GALNT17: variants seen among roughly 807,000 people sequenced by gnomAD.
The protein encoded by GALNT17 is UDP-GalNAc:polypeptide N-acetylgalactosaminyltransferase-like 3.
A neutral mutation model predicts 63.7 loss-of-function variants in GALNT17; 29 were observed. The observed-to-expected ratio is 0.46, with a 90% CI of 0.34 to 0.62. The LOEUF is 0.62. Among genes scored for constraint, GALNT17 ranks in the 20% least tolerant of loss-of-function variants. The pLI is 0.01. For synonymous variants in GALNT17, 305 were observed against 318.3 expected (o/e 0.96, Z 0.45); for missense variants, 603 against 799.6 (o/e 0.75, Z 2.97).
intron 2 of GALNT17, among the ~76,000 whole-genome samples, chr7:71,368,539 C>A (rs371216301): frequency 2.0e-5 from 3 of 152,122 alleles, no homozygotes; most frequent in African/African-American, 7.2e-5. Flanking sequence ...CCCCGTTGAT[C>A]TCCTTGAAGG....
intron 9 of GALNT17, among the ~76,000 whole-genome samples, chr7:71,683,955 G>T (rs917291678): frequency 6.8e-6 from 1 of 147,666 alleles, no homozygotes; most frequent in Non-Finnish European, 1.5e-5. Flanking sequence ...GTTGCAGTGA[G>T]CTGAGACCAT....
At chr7:71,271,611 C>G (rs1327195582) in intron 1 of GALNT17, among the ~76,000 whole-genome samples, 1 of 152,178 alleles carries the variant, frequency 6.6e-6, no homozygotes, top group Non-Finnish European at 1.5e-5. Flanking sequence ...TAACATTCAC[C>G]CTTTTTGGGT....
chr7:71,243,633 G>A (rs906674294), intron 1 of GALNT17, among the ~76,000 whole-genome samples: 1 of 152,032 alleles, frequency 6.6e-6, no homozygotes. Context: ...TCAAACTCCT[G>A]AGTTCAAGTG....
At chr7:71,629,015 A>G (rs906738691) in intron 6 of GALNT17, among the ~76,000 whole-genome samples, 1 of 152,160 alleles carries the variant, frequency 6.6e-6, no homozygotes, top group Non-Finnish European at 1.5e-5. Flanking sequence ...GGAGTAGTCC[A>G]TGGGCCACGC....
intron 6 of GALNT17, among the ~76,000 whole-genome samples, chr7:71,663,160 G>A (rs139664788): frequency 6.6e-6 from 1 of 152,232 alleles, no homozygotes; most frequent in Non-Finnish European, 1.5e-5. Context: ...GCTCAAGGTT[G>A]TTTTAGCTAC....
At chr7:71,250,868 A>G (rs1371045945) in intron 1 of GALNT17, among the ~76,000 whole-genome samples, 2 of 152,202 alleles carry the variant, frequency 1.3e-5, no homozygotes, top group Non-Finnish European at 2.9e-5. Flanking sequence ...TCTGTCTTCA[A>G]GTTGTCACCA....
At chr7:71,484,349 G>C (rs534405650) in intron 5 of GALNT17, among the ~76,000 whole-genome samples, 1 of 152,084 alleles carries the variant, frequency 6.6e-6, no homozygotes, top group Non-Finnish European at 1.5e-5. Flanking sequence ...TTAGCTGGGT[G>C]TGGTGGCATG....
At position 71,431,209 on chromosome 7, in the gene GALNT17, CTT is replaced by C. The variant is rs1265130879; in HGVS notation, c.962+10123_962+10124del. Among the ~76,000 whole-genome samples, 258 of 115,102 alleles carry C rather than the reference CTT, an allele frequency of 2.2e-3. 32 individuals are homozygous for C. Among genetic ancestry groups the C allele is most frequent in the East Asian group, 3.9e-3 (16 of 4,126 alleles). 75.5% of individuals were successfully genotyped at this position (115,102 alleles called of 152,430 possible). A position where few individuals can be genotyped will look rare whatever the true frequency, so the allele number is the denominator to read the frequency against. ...TGAGTATTTTTTTTTCTTTTCTTTT[CTT>C]TTTTTTTTTTTTTTTTTTGAGACAG... On this transcript the variant is annotated intron_variant, in intron 5 of 10. Coordinates refer to ENST00000333538, the MANE Select transcript of GALNT17 (RefSeq NM_022479.3).
At chr7:71,445,915 G>A (rs552328777) in intron 5 of GALNT17, among the ~76,000 whole-genome samples, 1 of 152,328 alleles carries the variant, frequency 6.6e-6, no homozygotes. Flanking sequence ...TTACAAGTGT[G>A]AGCCACTGCC....
At chr7:71,262,313 A>G (rs1583809273) in intron 1 of GALNT17, among the ~76,000 whole-genome samples, 1 of 151,996 alleles carries the variant, frequency 6.6e-6, no homozygotes, top group Non-Finnish European at 1.5e-5. Context: ...GCAGACTGTC[A>G]TTATGTTGTC....
intron 1 of GALNT17, among the ~76,000 whole-genome samples, chr7:71,205,570 G>A (rs78677849): frequency 0.021 from 3,184 of 152,208 alleles, 47 homozygotes; most frequent in Non-Finnish European, 0.033. Context: ...GTACAGGCAC[G>A]CTCCACCACA....
At chr7:71,629,289 C>T (rs1418645171) in intron 6 of GALNT17, among the ~76,000 whole-genome samples, 1 of 152,080 alleles carries the variant, frequency 6.6e-6, no homozygotes, top group East Asian at 1.9e-4. Context: ...GCCCACAATC[C>T]TGCGGGCTGC....
At chr7:71,261,464 T>TTCC (rs1790384334) in intron 1 of GALNT17, among the ~76,000 whole-genome samples, 1 of 152,232 alleles carries the variant, frequency 6.6e-6, no homozygotes, top group South Asian at 2.1e-4. Flanking sequence ...TTCTGAGGTC[T>TTCC]TCACAGATCC....
Position 71,426,568 on chromosome 7 carries a change from G to A in GALNT17, c.962+5463G>A, listed in dbSNP as rs551595417. Among the ~76,000 whole-genome samples the A allele has an allele frequency of 5.3e-5, 8 of 152,224 alleles. No homozygotes were observed. The East Asian group carries it at 1.5e-3, about 29-fold the overall frequency. On this transcript the variant is annotated intron_variant, in intron 5 of 10. Coordinates refer to ENST00000333538, the MANE Select transcript of GALNT17 (RefSeq NM_022479.3). The stretch of plus-strand genomic sequence containing the variant: ...CTGGCACTGGCATCTTGGCTTTTGA[G>A]GAGGCCTCATAGAGCTTTTACTCAT...
chr7:71,662,086 C>A (rs1034458293), intron 6 of GALNT17, among the ~76,000 whole-genome samples: 2 of 152,172 alleles, frequency 1.3e-5, no homozygotes, highest in Admixed American at 6.5e-5. Flanking sequence ...TGACCTTGGT[C>A]TGGATGGCTT....
At chr7:71,337,567 C>T (rs978139121) in intron 2 of GALNT17, among the ~76,000 whole-genome samples, 1 of 152,048 alleles carries the variant, frequency 6.6e-6, no homozygotes, top group Non-Finnish European at 1.5e-5. Context: ...GAGATTCTTG[C>T]CTTTTAAAAA....
At chr7:71,391,370 C>G (rs1179044125) in intron 3 of GALNT17, among the ~76,000 whole-genome samples, 2 of 152,248 alleles carry the variant, frequency 1.3e-5, no homozygotes, top group East Asian at 1.9e-4. Context: ...GCTCCTTGAC[C>G]GCAGGGATCT....
intron 9 of GALNT17, among the ~76,000 whole-genome samples, chr7:71,694,196 A>T (rs1791505524): frequency 6.6e-6 from 1 of 152,060 alleles, no homozygotes; most frequent in Admixed American, 6.6e-5. Context: ...CAAGAATAGC[A>T]CAGGAAAGAC....
chr7:71,415,861 G>T (rs1057104157), intron 3 of GALNT17, 28 bp from the exon 4 acceptor site: 78 of 1,558,564 alleles, frequency 5.0e-5, no homozygotes, highest in Non-Finnish European at 6.2e-5. Context: ...CATGTTTATA[G>T]ACCTTCTTGC....
Sources: gnomAD v4.1 joint callset for allele counts (sites outside exome capture counted in the v4.1 genomes callset) on GRCh38, gnomAD v4.1.1 for gene constraint, MANE v1.5 for transcripts, NCBI Gene and HGNC (gene_info 2026-07-23, HGNC 2026-07-21) for gene names.